Variants in ZZEF1 observed in about 807,000 individuals in gnomAD.
ZZEF1 encodes zinc finger ZZ-type and EF-hand domain-containing protein 1.
ZZEF1 carries 157 observed loss-of-function variants against 342.8 expected under a neutral mutation model. The ratio of observed to expected loss-of-function variants is 0.46; its 90% CI spans 0.40 to 0.52. The LOEUF (loss-of-function observed/expected upper bound fraction) is 0.52, where lower values mean the gene tolerates loss of function less well. ZZEF1 is among the 20% of genes least tolerant of loss of function. ZZEF1 has a pLI of 0.00. For synonymous variants in ZZEF1, 1,505 were observed against 1,429.1 expected (o/e 1.05, Z -1.20); for missense variants, 3,480 against 3,725.6 (o/e 0.93, Z 1.72).
chr17:4,050,576 G>T (rs1417957450), intron 36 of ZZEF1, among the ~76,000 whole-genome samples: 1 of 152,178 alleles, frequency 6.6e-6, no homozygotes, highest in Non-Finnish European at 1.5e-5. Context: ...TAGTTTCAGA[G>T]AAATTAAATG....
At chr17:4,054,231 T>C in intron 33 of ZZEF1, 36 bp from the exon 34 acceptor site, 1 of 1,591,824 alleles carries the variant, frequency 6.3e-7, no homozygotes, top group Non-Finnish European at 8.6e-7. Flanking sequence ...ACTGATAGAT[T>C]TTCTAAGGTG....
At position 4,062,659 on chromosome 17, in the gene ZZEF1, T is replaced by G. The variant is rs1336462059; in HGVS notation, c.4883+94A>C. ...CAAAAACGTACATTTGTATCCTACA[T>G]AGAAATGATGCTGCTATTAATCAGA... is the stretch of plus-strand genomic sequence containing the variant. On this transcript the variant is annotated intron_variant, in intron 30 of 54. Coordinates refer to ENST00000381638, the MANE Select transcript of ZZEF1 (RefSeq NM_015113.4). 3.7e-6 allele frequency: 5 copies of G among 1,356,920 alleles called. No homozygotes were observed. The East Asian group carries it at 1.3e-4, about 34-fold the overall frequency. The allele number at this position is 1,356,920 out of a possible 1,614,324, so 84.1% of individuals were successfully genotyped here.
At chr17:4,122,341 TC>T (rs985924315) in intron 2 of ZZEF1, among the ~76,000 whole-genome samples, 27 of 150,396 alleles carry the variant, frequency 1.8e-4, no homozygotes, top group Non-Finnish European at 3.5e-4. Context: ...AAGTCTGAGC[TC>T]CCCCCCAAAA....
Position 4,104,780 on chromosome 17 carries a change from G to T in ZZEF1, c.1426C>A (p.Leu476Ile), listed in dbSNP as rs1231201649. Residue 476 changes from leucine (L) to isoleucine (I), a missense_variant, in exon 8 of 55, where the codon CTT (leucine) becomes ATT (isoleucine). By Grantham distance (5) the Leu-to-Ile change is conservative. This residue lies in a region of ZZEF1 where 1,528 missense variants were observed against 1,624.1 expected (regional missense o/e 0.94). Coordinates refer to ENST00000381638, the MANE Select transcript of ZZEF1 (RefSeq NM_015113.4). ...CCSTPEVELT[L>I]LAFALARGSV... ...CCTCTTGCGAGAGCAAAAGCCAGAA[G>T]AGTCAGTTCTACCTCTGGGGTAGAA... is the stretch of plus-strand genomic sequence containing the variant. The T allele has an allele frequency of 1.9e-6, 3 of 1,614,114 alleles. No individual in the cohort carries two copies. The highest frequency in any genetic ancestry group is 1.1e-5 in the South Asian group (1 of 91,074).
Position 4,006,980 on chromosome 17 carries a change from G to A in ZZEF1, c.8806-10C>T. On this transcript the variant is annotated splice_polypyrimidine_tract_variant and intron_variant, in intron 54 of 54. Coordinates refer to ENST00000381638, the MANE Select transcript of ZZEF1 (RefSeq NM_015113.4). ...CAATGTTCTGCAGAGCCTGTAGAGG[G>A]AAAAAGAGTTGTCGCCAATGTCGGG... The A allele has an allele frequency of 6.3e-7, 1 of 1,576,886 alleles. No homozygotes were observed. The highest frequency in any genetic ancestry group is 1.8e-5 in the Admixed American group (1 of 54,214).
At chr17:4,139,263 A>G (rs2058803201) in intron 1 of ZZEF1, among the ~76,000 whole-genome samples, 1 of 152,112 alleles carries the variant, frequency 6.6e-6, no homozygotes, top group South Asian at 2.1e-4. Flanking sequence ...CTGAGGTCAC[A>G]GGAATGTGAA....
intron 39 of ZZEF1, among the ~76,000 whole-genome samples, chr17:4,039,477 C>CAAAA (rs2056751135): frequency 6.7e-6 from 1 of 150,098 alleles, no homozygotes; most frequent in Non-Finnish European, 1.5e-5. Context: ...CTCAAACAAA[C>CAAAA]AAACAAACAA....
intron 2 of ZZEF1, among the ~76,000 whole-genome samples, chr17:4,121,879 T>C (rs1000990505): frequency 6.6e-6 from 1 of 152,016 alleles, no homozygotes. Flanking sequence ...CACACAACCA[T>C]GACCTGCTAA....
chr17:4,057,251 C>T (rs2057181910), intron 32 of ZZEF1, among the ~76,000 whole-genome samples: 1 of 152,214 alleles, frequency 6.6e-6, no homozygotes, highest in Non-Finnish European at 1.5e-5. Flanking sequence ...TGCCCCGCCT[C>T]TGCCAACGGA....
chr17:4,104,959 A>T, intron 7 of ZZEF1, 148 bp from the exon 8 acceptor site: 1 of 637,004 alleles, frequency 1.6e-6, no homozygotes, highest in East Asian at 2.9e-5. Flanking sequence ...AAAATCCTTA[A>T]GGTAACCTAA....
intron 34 of ZZEF1, 90 bp from the exon 35 acceptor site, chr17:4,052,226 C>T (rs2057063837): frequency 1.5e-6 from 2 of 1,328,826 alleles, no homozygotes; most frequent in East Asian, 5.1e-5. Flanking sequence ...AGCACCAGGG[C>T]CGTTCCCAAG....
intron 32 of ZZEF1, 70 bp downstream of exon 32, chr17:4,057,924 C>T (rs1026285926): frequency 1.0e-5 from 15 of 1,496,542 alleles, no homozygotes; most frequent in East Asian, 9.3e-5. Context: ...GTGCTCTTAA[C>T]GCCCCCACTA....
intron 37 of ZZEF1, among the ~76,000 whole-genome samples, chr17:4,048,118 G>A (rs546966354): frequency 6.6e-6 from 1 of 152,246 alleles, no homozygotes; most frequent in East Asian, 1.9e-4. Context: ...ATATTCCCAG[G>A]CTCAAAGGTG....
intron 9 of ZZEF1, among the ~76,000 whole-genome samples, chr17:4,098,065 C>T (rs2058068328): frequency 2.0e-5 from 3 of 151,650 alleles, no homozygotes; most frequent in Admixed American, 6.6e-5. Flanking sequence ...TGGTGAAAAC[C>T]CCATCTTTAC....
At position 4,142,715 on chromosome 17, in the gene ZZEF1, C is replaced by A; in HGVS notation, c.181G>T (p.Ala61Ser). The change falls in exon 1 of 55, where the codon GCA becomes TCA. Residue 61 changes from alanine (A) to serine (S), a missense_variant. Transcript: ENST00000381638. ...CAGGGGGGTGTGGGCAGCAACGCTGCAGCAGCCTCTCGCAGCCTGGCCGGC... is the reference window on the plus strand; with the variant it reads ...CAGGGGGGTGTGGGCAGCAACGCTGAAGCAGCCTCTCGCAGCCTGGCCGGC... ...LEPARLREAA[A>S]ALLPTPPCES... The A allele has an allele frequency of 6.3e-7, 1 of 1,581,932 alleles. No individual in the cohort carries two copies. Among genetic ancestry groups the A allele is most frequent in the Non-Finnish European group, 8.6e-7 (1 of 1,169,060 alleles).
rs765656774 is a variant in ZZEF1 at position 4,078,028 on chromosome 17, C to T, written c.2844G>A (p.Met948Ile). ...CCACCTCCCCTGGGGCCCCACTGAG[C>T]ATTAACAGCTCGCACTACAAGGGAG... The part of the protein sequence containing the change: ...SVAARECELL[M>I]LSGAPGEVGS... Residue 948 changes from methionine to isoleucine, a missense_variant, in exon 19 of 55, where the codon ATG becomes ATA. This residue lies in a region of ZZEF1 where 1,528 missense variants were observed against 1,624.1 expected (regional missense o/e 0.94). Coordinates refer to ENST00000381638, the MANE Select transcript of ZZEF1 (RefSeq NM_015113.4). 1.9e-6 allele frequency: 3 copies of T among 1,613,846 alleles called. No individual in the cohort carries two copies. Among genetic ancestry groups the T allele is most frequent in the Non-Finnish European group, 1.7e-6 (2 of 1,179,936 alleles).
intron 9 of ZZEF1, among the ~76,000 whole-genome samples, chr17:4,099,482 A>G (rs1475516844): frequency 6.6e-6 from 1 of 151,834 alleles, no homozygotes; most frequent in Non-Finnish European, 1.5e-5. Flanking sequence ...TCTGCCTCCC[A>G]AAGTGTCGGG....
chr17:4,136,205 A>C lies in ZZEF1; in HGVS notation c.354+6337T>G, dbSNP rs1410075268. 2.0e-5 allele frequency among the ~76,000 whole-genome samples: 3 copies of C among 148,268 alleles called. No individual in the cohort carries two copies. The Admixed American group carries it at 2.0e-4, about 10-fold the overall frequency. ...CTAAAAATACAGAAATTAGCCAGACATGGGGGCAGGTGCCTGTAATCCCAG... is the reference window on the plus strand; with the variant it reads ...CTAAAAATACAGAAATTAGCCAGACCTGGGGGCAGGTGCCTGTAATCCCAG... On this transcript the variant is annotated intron_variant, in intron 1 of 54. Coordinates refer to ENST00000381638, the MANE Select transcript of ZZEF1 (RefSeq NM_015113.4).
rs1473971719 is a variant in ZZEF1, at chr17:4,014,100, C to T, written c.8403G>A (p.Arg2801=). Residue 2801 remains arginine, a synonymous_variant, in exon 51 of 55, where the codon CGG becomes CGA. Transcript: ENST00000381638. This position sits in a 1 kb window ranked among gnomAD's most constrained non-coding sequence, Gnocchi z 4.4. ...RFTVTAGHLG[R]FQTGFEILKQ... ...GCCCAGAGCACACACCTGTCTGGAA[C>T]CGCCCCAGGTGTCCGGCCGTCACGG... is the stretch of plus-strand genomic sequence containing the variant. 2 of 1,613,982 alleles carry T rather than the reference C, an allele frequency of 1.2e-6. No individual in the cohort carries two copies. The highest frequency in any genetic ancestry group is 8.5e-7 in the Non-Finnish European group (1 of 1,180,028).
Sources: gnomAD v4.1 joint callset for allele counts (sites outside exome capture counted in the v4.1 genomes callset) on GRCh38, gnomAD v4.1.1 for gene constraint, gnomAD v4.1.1 regional missense constraint, Gnocchi (gnomAD v3.1) non-coding constraint, MANE v1.5 for transcripts, NCBI Gene and HGNC (gene_info 2026-07-23, HGNC 2026-07-21) for gene names.